Variants in PTPRZ1 observed in about 807,000 individuals in gnomAD.
PTPRZ1 encodes the protein protein tyrosine phosphatase receptor type Z1.
PTPRZ1 carries 82 observed loss-of-function variants against 214.1 expected under a neutral mutation model. That is an observed-to-expected ratio of 0.38 (90% CI 0.32 to 0.46). The LOEUF (loss-of-function observed/expected upper bound fraction) is 0.46, where lower values mean the gene tolerates loss of function less well. Among genes scored for constraint, PTPRZ1 ranks in the 20% least tolerant of loss-of-function variants. The pLI is 1.00. For synonymous variants in PTPRZ1, 945 were observed against 987.9 expected (o/e 0.96, Z 0.81); for missense variants, 2,603 against 2,748.7 (o/e 0.95, Z 1.19).
intron 2 of PTPRZ1, 62 bp from the exon 3 acceptor site, chr7:121,967,889 T>G: frequency 8.0e-7 from 1 of 1,248,772 alleles, no homozygotes; most frequent in Non-Finnish European, 1.1e-6. Flanking sequence ...AACTATAATG[T>G]AAAGTTTAAT....
At chr7:121,946,344 A>G (rs1477484601) in intron 2 of PTPRZ1, among the ~76,000 whole-genome samples, 1 of 152,206 alleles carries the variant, frequency 6.6e-6, no homozygotes, top group Non-Finnish European at 1.5e-5. Flanking sequence ...CCCAGTGAAT[A>G]TAATGAGAGA....
At chr7:121,990,431 T>A (rs973168394) in intron 8 of PTPRZ1, among the ~76,000 whole-genome samples, 1 of 151,574 alleles carries the variant, frequency 6.6e-6, no homozygotes, top group African/African-American at 2.4e-5. Context: ...CTTTTTGGCA[T>A]CATGGAATGG....
At chr7:122,039,629 C>T (rs1799654623) in intron 20 of PTPRZ1, 41 bp downstream of exon 20, 1 of 1,598,484 alleles carries the variant, frequency 6.3e-7, no homozygotes, top group African/African-American at 1.3e-5. Flanking sequence ...GTGAACAATG[C>T]ATTTGGTCAT....
intron 17 of PTPRZ1, 72 bp from the exon 18 acceptor site, chr7:122,036,528 T>C: frequency 1.0e-6 from 1 of 1,002,772 alleles, no homozygotes; most frequent in East Asian, 2.6e-5. Context: ...TAAATTATTA[T>C]GCAAATATGA....
intron 2 of PTPRZ1, among the ~76,000 whole-genome samples, chr7:121,961,288 G>A (rs970676687): frequency 6.6e-6 from 1 of 152,100 alleles, no homozygotes; most frequent in Non-Finnish European, 1.5e-5. Flanking sequence ...TCCCTCTGTA[G>A]AATACCCCTG....
At chr7:121,992,967 C>G (rs1798017569) in intron 8 of PTPRZ1, among the ~76,000 whole-genome samples, 1 of 152,110 alleles carries the variant, frequency 6.6e-6, no homozygotes. Context: ...GAAGCCTGCA[C>G]TAACCAGTAA....
chr7:121,885,345 A>C (rs1008002029), intron 1 of PTPRZ1, among the ~76,000 whole-genome samples: 4 of 152,194 alleles, frequency 2.6e-5, no homozygotes, highest in Non-Finnish European at 5.9e-5. Flanking sequence ...TTTAGGATGC[A>C]TATGATTTTT....
At chr7:121,941,847 T>A (rs989965533) in intron 2 of PTPRZ1, among the ~76,000 whole-genome samples, 1 of 152,198 alleles carries the variant, frequency 6.6e-6, no homozygotes, top group Non-Finnish European at 1.5e-5. Flanking sequence ...TAAGGAGTGA[T>A]AATAAATAGT....
At chr7:121,923,511 T>C (rs1404925124) in intron 1 of PTPRZ1, among the ~76,000 whole-genome samples, 2 of 152,160 alleles carry the variant, frequency 1.3e-5, no homozygotes, top group Non-Finnish European at 2.9e-5. Context: ...CGTGTGTATG[T>C]GTTTGTGTGT....
chr7:122,024,665 T>C (rs1336643280), intron 13 of PTPRZ1, among the ~76,000 whole-genome samples: 3 of 152,080 alleles, frequency 2.0e-5, no homozygotes, highest in African/African-American at 7.2e-5. Flanking sequence ...TAATGCCAAA[T>C]AGGGTTATTG....
chr7:121,930,893 G>A (rs928750489), intron 2 of PTPRZ1, among the ~76,000 whole-genome samples: 40 of 152,148 alleles, frequency 2.6e-4, no homozygotes, highest in African/African-American at 9.6e-4. Context: ...ATGTCAGGAG[G>A]GACTAAGAAT....
intron 1 of PTPRZ1, among the ~76,000 whole-genome samples, chr7:121,893,614 G>A (rs1208398258): frequency 1.3e-5 from 2 of 152,188 alleles, no homozygotes; most frequent in Non-Finnish European, 2.9e-5. Context: ...ATTCTGGATG[G>A]CCAGGTGCTC....
At chr7:121,894,912 G>A (rs1794742849) in intron 1 of PTPRZ1, among the ~76,000 whole-genome samples, 1 of 152,128 alleles carries the variant, frequency 6.6e-6, no homozygotes, top group Non-Finnish European at 1.5e-5. Flanking sequence ...AACTATGGAA[G>A]TGGATAGATT....
chr7:121,941,447 G>A (rs1245762714), intron 2 of PTPRZ1, among the ~76,000 whole-genome samples: 1 of 152,188 alleles, frequency 6.6e-6, no homozygotes, highest in African/African-American at 2.4e-5. Context: ...CCAAAGCCTT[G>A]TGTATGGTCT....
chr7:122,013,238 G>C lies in PTPRZ1; in HGVS notation c.4192G>C (p.Ala1398Pro). The C allele has an allele frequency of 6.2e-7, 1 of 1,614,114 alleles. No homozygotes were observed. Among genetic ancestry groups the C allele is most frequent in the Non-Finnish European group, 8.5e-7 (1 of 1,180,030 alleles). The change falls in exon 12 of 30, where the codon GCA becomes CCA. Residue 1398 changes from alanine (A) to proline (P), a missense_variant. Physicochemically the swap from Ala to Pro is conservative, Grantham distance 27. Around this residue, in one of 6 missense-constraint regions of PTPRZ1, gnomAD observed 1,913 missense variants for 1,914.3 expected, o/e 1.00. Transcript: ENST00000393386. ...TSTKLLFPSK[A>P]TSELSHSAKS... ...AACAAAGTTGCTGTTTCCTTCTAAGGCAACTTCTGAGCTGAGTCATAGTGC... is the reference window on the plus strand; with the variant it reads ...AACAAAGTTGCTGTTTCCTTCTAAGCCAACTTCTGAGCTGAGTCATAGTGC...
intron 2 of PTPRZ1, among the ~76,000 whole-genome samples, chr7:121,951,966 T>TA (rs943853569): frequency 2.1e-5 from 3 of 144,480 alleles, no homozygotes; most frequent in Non-Finnish European, 4.6e-5. Flanking sequence ...TTTATTTATT[T>TA]TTTTTTTTTT....
intron 13 of PTPRZ1, among the ~76,000 whole-genome samples, chr7:122,025,223 A>G (rs1799173626): frequency 1.3e-5 from 2 of 152,182 alleles, no homozygotes; most frequent in African/African-American, 4.8e-5. Context: ...CTAACCACCA[A>G]TTAAGAAAAA....
At chr7:121,914,873 A>G (rs1385567601) in intron 1 of PTPRZ1, among the ~76,000 whole-genome samples, 1 of 152,128 alleles carries the variant, frequency 6.6e-6, no homozygotes, top group African/African-American at 2.4e-5. Flanking sequence ...TGTGCCAGGC[A>G]CCATGCTGAC....
At chr7:122,043,964 C>T (rs117880068) in intron 22 of PTPRZ1, among the ~76,000 whole-genome samples, 2,574 of 152,060 alleles carry the variant, frequency 0.017, 30 homozygotes, top group Non-Finnish European at 0.024. Context: ...AGAAAGAGTC[C>T]CGTATGTGAA....
Sources: allele counts gnomAD v4.1 joint callset (sites outside exome capture counted in the v4.1 genomes callset), GRCh38; gene constraint gnomAD v4.1.1; regional missense constraint gnomAD v4.1.1; transcripts MANE v1.5; gene names NCBI Gene and HGNC (gene_info 2026-07-23, HGNC 2026-07-21).